Variants in WASHC4 observed in about 807,000 individuals in gnomAD.
WASHC4 encodes WASH complex subunit 7.
WASHC4 carries 86 observed loss-of-function variants against 166.6 expected under a neutral mutation model. The ratio of observed to expected loss-of-function variants is 0.52; its 90% CI spans 0.43 to 0.62. The LOEUF is 0.62. Ranked by LOEUF, WASHC4 falls within the 20% of genes least tolerant of loss-of-function variation. The pLI is 0.00. For missense variants in WASHC4, 1,262 were observed against 1,382.4 expected (o/e 0.91, Z 1.38); for synonymous variants, 446 against 451.6 (o/e 0.99, Z 0.16).
intron 24 of WASHC4, chr12:105,148,454 A>G: frequency 1.0e-6 from 1 of 985,402 alleles, no homozygotes; most frequent in Non-Finnish European, 1.2e-6. Flanking sequence ...TCACAGGGAT[A>G]TAGATGTTCA....
In WASHC4 at chr12:105,114,261, G is replaced by A; in HGVS notation, c.247G>A (p.Glu83Lys). ...CTCTCTTTTGGAACTCATAAAGACT[G>A]AAAACAAGGTACAGAATCCTAAATC... The part of the protein sequence containing the change: ...QSSLLELIKT[E>K]NKVLNKVITV... Residue 83 changes from glutamate to lysine, a missense_variant, in exon 3 of 33, where the codon GAA (glutamate) becomes AAA (lysine). Coordinates refer to ENST00000332180, the MANE Select transcript of WASHC4 (RefSeq NM_015275.3). 6.2e-7 allele frequency: 1 copy of A among 1,609,844 alleles called. No homozygotes were observed. Among genetic ancestry groups the A allele is most frequent in the Non-Finnish European group, 8.5e-7 (1 of 1,177,326 alleles).
intron 24 of WASHC4, chr12:105,149,371 CTT>C: frequency 9.5e-7 from 1 of 1,057,870 alleles, no homozygotes; most frequent in Non-Finnish European, 1.1e-6. Context: ...ATATTTTCCA[CTT>C]TTTTCTTTTC....
intron 30 of WASHC4, among the ~76,000 whole-genome samples, chr12:105,163,887 ACTTGT>A (rs71440569): frequency 0.18 from 26,611 of 151,940 alleles, 2,478 homozygotes; most frequent in East Asian, 0.25. Context: ...TTCTTAATTG[ACTTGT>A]CTTTAGTTAT....
chr12:105,160,234 A>G (rs1207948905), intron 29 of WASHC4, 86 bp downstream of exon 29: 1 of 1,066,754 alleles, frequency 9.4e-7, no homozygotes. Context: ...CACGAAATGC[A>G]TACAGACTAC....
chr12:105,133,872 C>T lies in WASHC4; in HGVS notation c.1302C>T (p.Thr434=). The change falls in exon 14 of 33, where the codon ACC becomes ACT. Residue 434 remains threonine (T), a synonymous_variant. Transcript: ENST00000332180. ...QRMDKFAEDL[T]NRCNVFIQGF... is the part of the protein sequence containing the mutation. ...TGGATAAATTTGCTGAAGATCTCAC[C>T]AATAGATGTAATGTTTTTATACAGG... 2.5e-6 allele frequency: 4 copies of T among 1,611,858 alleles called. No homozygotes were observed. The highest frequency in any genetic ancestry group is 2.2e-5 in the South Asian group (2 of 90,988).
rs369707903 is a variant in WASHC4, at chr12:105,118,189, AACT to A, written c.436-254_436-252del. Among the ~76,000 whole-genome samples, 492 of 152,346 alleles carry A rather than the reference AACT, an allele frequency of 3.2e-3. 2 individuals are homozygous for A. The highest frequency in any genetic ancestry group is 0.011 in the African/African-American group (454 of 41,572). On this transcript the variant is annotated intron_variant, in intron 6 of 32. Coordinates refer to ENST00000332180, the MANE Select transcript of WASHC4 (RefSeq NM_015275.3). ...CCTATCATTTAGGAGTTATATAAGT[AACT>A]ACAATATTAGACTTGAAATAGGAGT...
At chr12:105,151,177 C>T (rs898424597) in intron 25 of WASHC4, among the ~76,000 whole-genome samples, 10 of 147,820 alleles carry the variant, frequency 6.8e-5, no homozygotes, top group South Asian at 6.5e-4. Flanking sequence ...AAAAGAACGC[C>T]GTTTTCCTTT....
chr12:105,131,148 G>T (rs1309132281), intron 13 of WASHC4, among the ~76,000 whole-genome samples: 3 of 150,350 alleles, frequency 2.0e-5, no homozygotes, highest in Admixed American at 1.3e-4. Context: ...CTGCAGTGGC[G>T]CAATCTCGGC....
chr12:105,118,284 T>C (rs1254842642), intron 6 of WASHC4, among the ~76,000 whole-genome samples, 162 bp from the exon 7 acceptor site: 1 of 152,192 alleles, frequency 6.6e-6, no homozygotes, highest in African/African-American at 2.4e-5. Flanking sequence ...GAGTTAAGTA[T>C]TGATTGCTTG....
intron 13 of WASHC4, among the ~76,000 whole-genome samples, chr12:105,132,208 G>A (rs1027611167): frequency 4.6e-5 from 7 of 152,154 alleles, no homozygotes; most frequent in Admixed American, 3.9e-4. Flanking sequence ...TCGCTCTGTC[G>A]CCCAGGCTGG....
intron 2 of WASHC4, among the ~76,000 whole-genome samples, chr12:105,113,161 A>G (rs1171788475): frequency 2.6e-5 from 4 of 152,072 alleles, no homozygotes; most frequent in African/African-American, 4.8e-5. Flanking sequence ...TGTCATTCTC[A>G]ACCTGTACTA....
At chr12:105,144,488 TTC>T in intron 21 of WASHC4, 33 bp downstream of exon 21, 4 of 1,570,264 alleles carry the variant, frequency 2.5e-6, no homozygotes, top group Non-Finnish European at 3.5e-6. Context: ...TAGAGTCATA[TTC>T]TCTTTTTTTT....
Position 105,144,754 on chromosome 12 carries a change from A to G in WASHC4, c.2216A>G (p.Asn739Ser), listed in dbSNP as rs200672413. Residue 739 changes from asparagine (N) to serine (S), a missense_variant, in exon 22 of 33, where the codon AAT (asparagine) becomes AGT (serine). Transcript: ENST00000332180. ...CACTACCTAGACAAGACTTTCTACA[A>G]TCTAACAACTGTAGCCCTTCATGAC... ...VTHYLDKTFY[N>S]LTTVALHDWA... 3.8e-5 allele frequency: 62 copies of G among 1,612,728 alleles called. No homozygotes were observed. The highest frequency in any genetic ancestry group is 4.9e-5 in the Non-Finnish European group (58 of 1,179,194).
Position 105,167,689 on chromosome 12 carries a change from GTAT to G in WASHC4, c.*759_*761del, listed in dbSNP as rs1403896469. The G allele has an allele frequency of 6.6e-6, 1 of 152,502 alleles. No homozygotes were observed. Among genetic ancestry groups the G allele is most frequent in the Non-Finnish European group, 1.5e-5 (1 of 67,976 alleles). 9.4% of individuals were successfully genotyped at this position (152,502 alleles called of 1,614,324 possible). A position where few individuals can be genotyped will look rare whatever the true frequency, so the allele number is the denominator to read the frequency against. Reference sequence around the variant, plus strand: ...CTTCTATTTTGGTTGAAGGCATGATGTATGATGTCAGAAAAAAAATTGAATGAA... The same window carrying G: ...CTTCTATTTTGGTTGAAGGCATGATGGATGTCAGAAAAAAAATTGAATGAA... On this transcript the variant is annotated 3_prime_UTR_variant, in exon 33 of 33. Coordinates refer to ENST00000332180, the MANE Select transcript of WASHC4 (RefSeq NM_015275.3).
intron 30 of WASHC4, among the ~76,000 whole-genome samples, chr12:105,163,232 A>G (rs1223682122): frequency 6.6e-6 from 1 of 152,198 alleles, no homozygotes; most frequent in Non-Finnish European, 1.5e-5. Flanking sequence ...TGCTGGGATT[A>G]CAGGCATGAG....
Position 105,144,698 on chromosome 12 carries a change from G to GA in WASHC4, c.2180-18dup. 1.3e-6 allele frequency: 2 copies of GA among 1,589,464 alleles called. No homozygotes were observed. The highest frequency in any genetic ancestry group is 2.2e-5 in the South Asian group (2 of 89,966). ...TTCCTTTTCTACTGTTTCACAAGTT[G>GA]AATTTTTTTTTTTTGGTAGCTTACG... On this transcript the variant is annotated intron_variant, in intron 21 of 32. Transcript: ENST00000332180.
intron 12 of WASHC4, 61 bp from the exon 13 acceptor site, chr12:105,127,068 A>G: frequency 6.9e-7 from 1 of 1,441,112 alleles, no homozygotes; most frequent in Non-Finnish European, 9.8e-7. Context: ...TAGAACTTTT[A>G]AACAGCTTGT....
rs754211673 is a variant in WASHC4, at chr12:105,142,506, C to T, written c.1841C>T (p.Pro614Leu). The T allele has an allele frequency of 4.3e-6, 7 of 1,610,084 alleles. No homozygotes were observed. Among genetic ancestry groups the T allele is most frequent in the Non-Finnish European group, 5.9e-6 (7 of 1,177,302 alleles). The stretch of plus-strand genomic sequence containing the variant: ...TTATACTGGCATCGAGCTGTCTTCC[C>T]AATTTATTTAGATGATGTATATGAA... ...CFLYWHRAVF[P>L]IYLDDVYENA... Residue 614 changes from proline to leucine, a missense_variant, in exon 19 of 33, where the codon CCA becomes CTA. Transcript: ENST00000332180.
intron 2 of WASHC4, among the ~76,000 whole-genome samples, chr12:105,112,299 C>T (rs144164478): frequency 2.0e-5 from 3 of 152,274 alleles, no homozygotes; most frequent in African/African-American, 7.2e-5. Flanking sequence ...TTTATCCATT[C>T]ATCAGTTGAT....
Sources: allele counts gnomAD v4.1 joint callset (sites outside exome capture counted in the v4.1 genomes callset), GRCh38; gene constraint gnomAD v4.1.1; transcripts MANE v1.5; gene names NCBI Gene and HGNC (gene_info 2026-07-23, HGNC 2026-07-21).